TNFAIP8: variants seen among roughly 807,000 people sequenced by gnomAD.
TNFAIP8 encodes the protein TNF alpha induced protein 8.
Under a neutral mutation model 13.3 loss-of-function variants are expected in TNFAIP8, and 7 were observed. The observed-to-expected ratio is 0.52, with a 90% confidence interval of 0.30 to 0.99. The LOEUF is 0.99. TNFAIP8 is among the 50% of genes least tolerant of loss of function. The probability of loss-of-function intolerance (pLI) is 0.07; values close to 1 mark genes in which losing one functional copy is unlikely to be tolerated. For missense variants in TNFAIP8, 258 were observed against 236.9 expected (o/e 1.09, Z -0.58); for synonymous variants, 94 against 87.6 (o/e 1.07, Z -0.41).
chr5:119,381,778 C>T (rs1280879489), intron 1 of TNFAIP8, among the ~76,000 whole-genome samples: 2 of 151,956 alleles, frequency 1.3e-5, no homozygotes, highest in Middle Eastern at 3.4e-3. Context: ...ACTAAAAATA[C>T]AAAATTAGTC....
At chr5:119,270,371 C>G (rs1748249078) in intron 1 of TNFAIP8, among the ~76,000 whole-genome samples, 1 of 152,190 alleles carries the variant, frequency 6.6e-6, no homozygotes, top group African/African-American at 2.4e-5. Flanking sequence ...AACACTTAGA[C>G]ACGTTTATTG....
chr5:119,392,197 G>A (rs3797344), intron 1 of TNFAIP8, among the ~76,000 whole-genome samples: 14,263 of 152,232 alleles, frequency 0.094, 997 homozygotes, highest in African/African-American at 0.21. Flanking sequence ...AAATTGGTAG[G>A]CACTGGCCAA....
Position 119,381,993 on chromosome 5 carries a change from A to G in TNFAIP8, c.32-10823A>G, listed in dbSNP as rs138477354. On this transcript the variant is annotated intron_variant, in intron 1 of 1. Coordinates refer to ENST00000504771, the MANE Select transcript of TNFAIP8 (RefSeq NM_014350.4). ...AGTATTTCCTGGGTCTTAACAAGCT[A>G]TATATAATGTTTCAATTTTTTCTAA... Among the ~76,000 whole-genome samples the G allele has an allele frequency of 3.7e-3, 569 of 152,294 alleles. 3 individuals are homozygous for G. The highest frequency in any genetic ancestry group is 0.013 in the African/African-American group (553 of 41,552).
At chr5:119,331,245 T>C (rs1581610393) in intron 1 of TNFAIP8, among the ~76,000 whole-genome samples, 1 of 152,270 alleles carries the variant, frequency 6.6e-6, no homozygotes, top group South Asian at 2.1e-4. Flanking sequence ...TTTTTTTTTT[T>C]TTTTTAAACA....
rs1753045681 is a variant in TNFAIP8, at chr5:119,395,228, C to T, written c.*1847C>T. ...TAACACAGTGACTACAGAAATGACCCTTCTAGCTTCATAACTTGCTAAGTG... is the reference window on the plus strand; with the variant it reads ...TAACACAGTGACTACAGAAATGACCTTTCTAGCTTCATAACTTGCTAAGTG... On this transcript the variant is annotated 3_prime_UTR_variant, in exon 2 of 2. Coordinates refer to ENST00000504771, the MANE Select transcript of TNFAIP8 (RefSeq NM_014350.4). The T allele has an allele frequency of 6.6e-6, 1 of 152,206 alleles. No individual in the cohort carries two copies. The highest frequency in any genetic ancestry group is 2.4e-5 in the African/African-American group (1 of 41,452). 9.4% of individuals were successfully genotyped at this position (152,206 alleles called of 1,614,324 possible).
At chr5:119,291,830 A>G (rs1359864247) in intron 1 of TNFAIP8, among the ~76,000 whole-genome samples, 2 of 152,216 alleles carry the variant, frequency 1.3e-5, no homozygotes, top group African/African-American at 2.4e-5. Context: ...TAGCAAAGAC[A>G]TTTTTGCTTT....
chr5:119,297,204 G>T (rs1055447145), intron 1 of TNFAIP8, among the ~76,000 whole-genome samples: 94 of 151,908 alleles, frequency 6.2e-4, no homozygotes, highest in Non-Finnish European at 9.9e-4. Context: ...TGTTAGGGTG[G>T]CAATTTTGGA....
intron 1 of TNFAIP8, among the ~76,000 whole-genome samples, chr5:119,342,006 A>T (rs1750754002): frequency 6.6e-6 from 1 of 151,712 alleles, no homozygotes; most frequent in South Asian, 2.1e-4. Flanking sequence ...TAATTTCTGT[A>T]TCTCTGTTTC....
At chr5:119,302,940 A>C (rs1338935903) in intron 1 of TNFAIP8, among the ~76,000 whole-genome samples, 2 of 152,190 alleles carry the variant, frequency 1.3e-5, no homozygotes, top group Admixed American at 1.3e-4. Context: ...TTACGCAGTC[A>C]GCCATTAGAA....
chr5:119,278,549 G>C (rs1414772943), intron 1 of TNFAIP8, among the ~76,000 whole-genome samples: 1 of 152,058 alleles, frequency 6.6e-6, no homozygotes, highest in African/African-American at 2.4e-5. Context: ...CAGCCTTAAG[G>C]GAAGCTGTGA....
intron 1 of TNFAIP8, among the ~76,000 whole-genome samples, chr5:119,277,200 G>C (rs1020312618): frequency 2.0e-5 from 3 of 152,102 alleles, no homozygotes; most frequent in East Asian, 1.9e-4. Flanking sequence ...CATAGATACG[G>C]GGGACTACTG....
chr5:119,389,593 G>C (rs1159689239), intron 1 of TNFAIP8, among the ~76,000 whole-genome samples: 1 of 152,080 alleles, frequency 6.6e-6, no homozygotes, highest in Non-Finnish European at 1.5e-5. Context: ...CACATCCCTG[G>C]CCAGCGACTC....
intron 1 of TNFAIP8, among the ~76,000 whole-genome samples, chr5:119,377,296 A>C (rs1752319907): frequency 1.3e-5 from 2 of 152,084 alleles, no homozygotes; most frequent in Admixed American, 1.3e-4. Context: ...CCAGCTACTT[A>C]GGAGGCTGAG....
intron 1 of TNFAIP8, among the ~76,000 whole-genome samples, chr5:119,307,383 G>GTAATTT (rs1749597605): frequency 1.3e-5 from 2 of 152,132 alleles, no homozygotes; most frequent in African/African-American, 4.8e-5. Context: ...AAGTGTAATT[G>GTAATTT]CTGAGTCAGA....
rs192312167 is a variant in TNFAIP8, at chr5:119,367,592, A to T, written c.31+11471A>T. On this transcript the variant is annotated intron_variant, in intron 1 of 1. Transcript: ENST00000504771. Reference sequence around the variant, plus strand: ...TAAAGCTTCAGTTAGCCAGATTTTTAAAAAAATGTTTGATGTTGTTTTTTA... The same window carrying T: ...TAAAGCTTCAGTTAGCCAGATTTTTTAAAAAATGTTTGATGTTGTTTTTTA... Among the ~76,000 whole-genome samples, 163 of 152,304 alleles carry T rather than the reference A, an allele frequency of 1.1e-3. 1 individual carries two copies. Among genetic ancestry groups the T allele is most frequent in the Non-Finnish European group, 2.0e-3 (134 of 68,016 alleles).
intron 1 of TNFAIP8, among the ~76,000 whole-genome samples, chr5:119,302,510 G>A (rs112106135): frequency 0.01 from 1,540 of 152,234 alleles, 16 homozygotes; most frequent in African/African-American, 0.035. Flanking sequence ...TTTTGAAAAT[G>A]ATTTATTTTT....
At chr5:119,344,331 T>TAATAGAG (rs1750829387) in intron 1 of TNFAIP8, among the ~76,000 whole-genome samples, 1 of 152,100 alleles carries the variant, frequency 6.6e-6, no homozygotes. Flanking sequence ...TCGCATGAAC[T>TAATAGAG]CATAGAGCAA....
rs1750619132 is a variant in TNFAIP8, at chr5:119,338,175, C to CACACACAT, written c.2-54634_2-54633insTACACACA. Among the ~76,000 whole-genome samples the CACACACAT allele has an allele frequency of 6.6e-5, 8 of 120,832 alleles. No homozygotes were observed. In the South Asian group the frequency reaches 1.8e-3, roughly 28 times the overall value. 79.3% of individuals were successfully genotyped at this position (120,832 alleles called of 152,430 possible). ...GGAATCTGGAACTTTGACACACACA[C>CACACACAT]ACACACACACACACACACACACACA... On this transcript the variant is annotated intron_variant, in intron 1 of 1. Coordinates refer to the TNFAIP8 transcript ENST00000274456.
At chr5:119,387,888 A>T (rs924926936) in intron 1 of TNFAIP8, among the ~76,000 whole-genome samples, 7 of 152,086 alleles carry the variant, frequency 4.6e-5, no homozygotes, top group Non-Finnish European at 8.8e-5. Context: ...ATTTTTTTTT[A>T]AATACAGCAT....
Sources: allele counts gnomAD v4.1 joint callset (sites outside exome capture counted in the v4.1 genomes callset), GRCh38; gene constraint gnomAD v4.1.1; transcripts MANE v1.5; gene names NCBI Gene and HGNC (gene_info 2026-07-23, HGNC 2026-07-21).